Variants in CADPS2 observed in about 807,000 individuals in gnomAD.
The protein encoded by CADPS2 is calcium dependent secretion activator 2.
In CADPS2, 93 loss-of-function variants were observed where a neutral mutation model predicts 172.5. The observed-to-expected ratio is 0.54, with a 90% CI of 0.46 to 0.64. The LOEUF (loss-of-function observed/expected upper bound fraction) is 0.64, where lower values mean the gene tolerates loss of function less well. CADPS2 is among the 30% of genes least tolerant of loss of function. The pLI, the probability that CADPS2 is intolerant of heterozygous loss-of-function variation, is 0.00. For missense variants in CADPS2, 1,420 were observed against 1,565.9 expected (o/e 0.91, Z 1.57); for synonymous variants, 546 against 555.2 (o/e 0.98, Z 0.23).
chr7:122,681,748 A>T, intron 2 of CADPS2: 1 of 554,492 alleles, frequency 1.8e-6, no homozygotes, highest in Non-Finnish European at 3.0e-6. Context: ...ATAATAATAA[A>T]AGAAAGAAAA....
At chr7:122,574,828 G>A (rs951258634) in intron 7 of CADPS2, among the ~76,000 whole-genome samples, 5 of 152,048 alleles carry the variant, frequency 3.3e-5, no homozygotes, top group African/African-American at 9.7e-5. Context: ...AAAACACTGA[G>A]TGAAAGGTGG....
intron 14 of CADPS2, among the ~76,000 whole-genome samples, chr7:122,452,805 T>C (rs1352807461): frequency 3.3e-5 from 5 of 152,218 alleles, no homozygotes; most frequent in Non-Finnish European, 5.9e-5. Context: ...ACAGGAATTA[T>C]TGAAAACAAA....
intron 1 of CADPS2, among the ~76,000 whole-genome samples, chr7:122,821,497 A>G (rs1332155333): frequency 6.6e-6 from 1 of 152,192 alleles, no homozygotes; most frequent in Non-Finnish European, 1.5e-5. Context: ...ACATGCCCTG[A>G]GTCAGGTAAC....
chr7:122,663,278 T>C lies in CADPS2; in HGVS notation c.745A>G (p.Ile249Val), dbSNP rs2080815552. ...AGGAGCTGGTGTTCCAGTTTTTTAA[T>C]ACCCAGAATCTGCTGAAACATTTCA... ...LYEMFQQILGIKKLEHQLLYN... is the reference protein window; with the variant it reads ...LYEMFQQILGVKKLEHQLLYN... The change falls in exon 3 of 30, where the codon ATT (isoleucine) becomes GTT (valine). Residue 249 changes from isoleucine (I) to valine (V), a missense_variant. Transcript: ENST00000449022. 1 of 1,613,792 alleles carries C rather than the reference T, an allele frequency of 6.2e-7. No individual in the cohort carries two copies. The highest frequency in any genetic ancestry group is 1.3e-5 in the African/African-American group (1 of 75,054).
intron 6 of CADPS2, among the ~76,000 whole-genome samples, chr7:122,594,836 C>CA (rs1235487227): frequency 1.3e-5 from 2 of 151,348 alleles, no homozygotes; most frequent in South Asian, 2.1e-4. Context: ...AAATAATGTA[C>CA]AAAAAAGCAC....
rs114616735 is a variant in CADPS2 at position 122,760,447 on chromosome 7, G to T, written c.340-23379C>A. Among the ~76,000 whole-genome samples the T allele has an allele frequency of 3.2e-3, 479 of 152,024 alleles. 2 individuals carry two copies. The highest frequency in any genetic ancestry group is 0.011 in the African/African-American group (463 of 41,496). ...CACACTATAATAGTAAGAGTCAACA[G>T]CAACAAAATTTTGGAAACTGGAAAA... On this transcript the variant is annotated intron_variant, in intron 1 of 29. Transcript: ENST00000449022.
At chr7:122,795,501 A>G (rs1796171918) in intron 1 of CADPS2, among the ~76,000 whole-genome samples, 1 of 152,188 alleles carries the variant, frequency 6.6e-6, no homozygotes, top group African/African-American at 2.4e-5. Context: ...CATCACTTCA[A>G]GAAGCTTATC....
intron 27 of CADPS2, among the ~76,000 whole-genome samples, chr7:122,359,326 G>A (rs1377691127): frequency 6.6e-6 from 1 of 152,002 alleles, no homozygotes; most frequent in Admixed American, 6.6e-5. Flanking sequence ...GCTGCCATAT[G>A]GTCATCCTGT....
intron 1 of CADPS2, among the ~76,000 whole-genome samples, chr7:122,786,071 T>C (rs1793971726): frequency 6.6e-6 from 1 of 152,192 alleles, no homozygotes; most frequent in African/African-American, 2.4e-5. Flanking sequence ...ACTTTTATTG[T>C]TACCACATTC....
intron 25 of CADPS2, among the ~76,000 whole-genome samples, chr7:122,375,061 T>TA (rs2042189896): frequency 6.6e-6 from 1 of 151,952 alleles, no homozygotes; most frequent in Non-Finnish European, 1.5e-5. Flanking sequence ...AACAAATAAA[T>TA]AAAAAAATCC....
chr7:122,456,105 A>G (rs1439305349), intron 14 of CADPS2, among the ~76,000 whole-genome samples: 1 of 152,206 alleles, frequency 6.6e-6, no homozygotes, highest in Non-Finnish European at 1.5e-5. Context: ...AGATCTCTAA[A>G]GTTAGTATGT....
At chr7:122,719,017 A>G (rs996706550) in intron 2 of CADPS2, among the ~76,000 whole-genome samples, 1 of 147,218 alleles carries the variant, frequency 6.8e-6, no homozygotes, top group South Asian at 2.1e-4. Flanking sequence ...AAATGTACAC[A>G]ATTTTGAGGA....
chr7:122,791,132 G>A (rs144235570), intron 1 of CADPS2, among the ~76,000 whole-genome samples: 17 of 152,242 alleles, frequency 1.1e-4, no homozygotes, highest in East Asian at 9.7e-4. Context: ...TATCAACGGC[G>A]CGAGGAAAAG....
chr7:122,629,865 G>A (rs1162653655), intron 3 of CADPS2, among the ~76,000 whole-genome samples: 1 of 152,022 alleles, frequency 6.6e-6, no homozygotes, highest in East Asian at 1.9e-4. Context: ...TTCTTTTAAG[G>A]ATTGGCACCA....
At chr7:122,444,850 AT>A (rs1433553411) in intron 15 of CADPS2, among the ~76,000 whole-genome samples, 2 of 152,106 alleles carry the variant, frequency 1.3e-5, no homozygotes, top group Non-Finnish European at 2.9e-5. Context: ...ATTATGTTTT[AT>A]TTAAGAATCT....
At chr7:122,491,556 T>G (rs1297770702) in intron 9 of CADPS2, 136 bp from the exon 10 acceptor site, 1 of 556,702 alleles carries the variant, frequency 1.8e-6, no homozygotes, top group Non-Finnish European at 3.1e-6. Context: ...ATTTTAGCAT[T>G]TTTCAAAACC....
At chr7:122,662,453 G>A (rs34125908) in intron 3 of CADPS2, among the ~76,000 whole-genome samples, 7,633 of 146,578 alleles carry the variant, frequency 0.052, 247 homozygotes, top group African/African-American at 0.06. Flanking sequence ...TCAGCTCACT[G>A]CAACCTCCGC....
intron 14 of CADPS2, among the ~76,000 whole-genome samples, chr7:122,467,214 C>T (rs2055264660): frequency 6.6e-6 from 1 of 152,188 alleles, no homozygotes. Context: ...GGTTGCTCAC[C>T]TGCCCCAAAA....
At chr7:122,565,528 G>C (rs2066346388) in intron 7 of CADPS2, among the ~76,000 whole-genome samples, 1 of 152,010 alleles carries the variant, frequency 6.6e-6, no homozygotes, top group Non-Finnish European at 1.5e-5. Flanking sequence ...TTCAAAATCA[G>C]GTTTCAAAGT....
Sources: gnomAD v4.1 joint callset for allele counts (sites outside exome capture counted in the v4.1 genomes callset) on GRCh38, gnomAD v4.1.1 for gene constraint, MANE v1.5 for transcripts, NCBI Gene and HGNC (gene_info 2026-07-23, HGNC 2026-07-21) for gene names.